The following RERE variants were observed in gnomAD, a reference collection of about 807,000 sequenced individuals.
The protein encoded by RERE is arginine-glutamic acid dipeptide repeats protein.
A neutral mutation model predicts 146.1 loss-of-function variants in RERE; 40 were observed. The ratio of observed to expected loss-of-function variants is 0.27; its 90% CI spans 0.21 to 0.36. RERE has a LOEUF of 0.36. Ranked by LOEUF, RERE falls within the 10% of genes least tolerant of loss-of-function variation. The probability of loss-of-function intolerance (pLI) is 1.00; values close to 1 mark genes in which losing one functional copy is unlikely to be tolerated. For synonymous variants in RERE, 1,003 were observed against 866.0 expected, an observed-to-expected ratio of 1.16 and a Z score of -2.78; for missense variants, 1,933 against 2,138.7, an observed-to-expected ratio of 0.90 and a Z score of 1.90.
chr1:8,769,861 T>C (rs1453673033), intron 1 of RERE, among the ~76,000 whole-genome samples: 3 of 151,658 alleles, frequency 2.0e-5, no homozygotes, highest in African/African-American at 7.3e-5. Context: ...CAATCTCAGC[T>C]CACCACAACC....
intron 12 of RERE, among the ~76,000 whole-genome samples, chr1:8,385,136 C>T (rs1268282369): frequency 1.3e-5 from 2 of 152,052 alleles, no homozygotes; most frequent in South Asian, 4.1e-4. Flanking sequence ...TGGGAAGCAC[C>T]GAGGAAAATA....
intron 1 of RERE, among the ~76,000 whole-genome samples, chr1:8,677,266 T>A (rs1172494254): frequency 1.3e-5 from 2 of 151,598 alleles, no homozygotes; most frequent in Non-Finnish European, 2.9e-5. Context: ...CCTGTCTCTA[T>A]TAAAAATACA....
intron 1 of RERE, among the ~76,000 whole-genome samples, chr1:8,683,422 G>A (rs1285994104): frequency 6.6e-6 from 1 of 152,076 alleles, no homozygotes; most frequent in African/African-American, 2.4e-5. Context: ...GCTGGACCCT[G>A]CTAAAGAGAA....
chr1:8,361,730 C>T, intron 17 of RERE, 33 bp downstream of exon 17: 1 of 1,561,334 alleles, frequency 6.4e-7, no homozygotes, highest in Non-Finnish European at 8.8e-7. Context: ...GAAGCATTAG[C>T]TTTACTCAGC....
At chr1:8,805,590 A>G (rs1345857453) in intron 1 of RERE, among the ~76,000 whole-genome samples, 1 of 150,250 alleles carries the variant, frequency 6.7e-6, no homozygotes, top group Non-Finnish European at 1.5e-5. Context: ...CGGAGGTTGC[A>G]GTGAGCAGAG....
At position 8,353,208 on chromosome 1, in the gene RERE, T is replaced by G. The variant is rs144200374; in HGVS notation, c.*1879A>C. 1 of 152,198 alleles carries G rather than the reference T, an allele frequency of 6.6e-6. No individual in the cohort carries two copies. The highest frequency in any genetic ancestry group is 1.9e-4 in the East Asian group (1 of 5,166). 9.4% of individuals were successfully genotyped at this position (152,198 alleles called of 1,614,324 possible). On this transcript the variant is annotated 3_prime_UTR_variant, in exon 23 of 23. Transcript: ENST00000400908. Reference sequence around the variant, plus strand: ...GAACAAACTAAAGTTAAGGCAGAAATGGAATGAGAGAAAAATGAAAGAAAA... The same window carrying G: ...GAACAAACTAAAGTTAAGGCAGAAAGGGAATGAGAGAAAAATGAAAGAAAA...
At chr1:8,792,404 C>T (rs994397900) in intron 1 of RERE, 1 of 152,154 alleles carries the variant, frequency 6.6e-6, no homozygotes, top group African/African-American at 2.4e-5. Context: ...AAATACTGAC[C>T]TCTAATTCAA....
In RERE at chr1:8,570,580, A is replaced by G. The variant is rs1165236502; in HGVS notation, c.523-13057T>C. On this transcript the variant is annotated intron_variant, in intron 4 of 22. Coordinates refer to ENST00000400908, the MANE Select transcript of RERE (RefSeq NM_001042681.2). ...GCTTCTGTATTCAATCTGTTGAGCT[A>G]TATCACACATCATTTAGCCTTTTGT... 2.6e-5 allele frequency among the ~76,000 whole-genome samples: 4 copies of G among 152,312 alleles called. No individual in the cohort carries two copies. The South Asian group carries it at 6.2e-4, about 24-fold the overall frequency.
chr1:8,355,943 G>A (rs1174207122), intron 21 of RERE, among the ~76,000 whole-genome samples, 157 bp downstream of exon 21: 5 of 152,160 alleles, frequency 3.3e-5, no homozygotes, highest in Non-Finnish European at 7.4e-5. Context: ...CCAGAGGGCA[G>A]GAGGCTTGTT....
intron 1 of RERE, among the ~76,000 whole-genome samples, chr1:8,678,815 T>C (rs1264157249): frequency 6.6e-6 from 1 of 152,222 alleles, no homozygotes; most frequent in Non-Finnish European, 1.5e-5. Flanking sequence ...GAAATAATCA[T>C]GTGTCCACAA....
At chr1:8,599,768 GAC>G (rs1557426728) in intron 4 of RERE, among the ~76,000 whole-genome samples, 1 of 152,206 alleles carries the variant, frequency 6.6e-6, no homozygotes, top group Non-Finnish European at 1.5e-5. Flanking sequence ...AGCAGAAGGA[GAC>G]AGTCTTATCT....
chr1:8,680,498 G>T (rs1406025612), intron 1 of RERE, among the ~76,000 whole-genome samples: 2 of 152,132 alleles, frequency 1.3e-5, no homozygotes, highest in Non-Finnish European at 2.9e-5. Flanking sequence ...TTTCCAGAAG[G>T]ACTCTGACAA....
At chr1:8,406,483 T>TG (rs911053328) in intron 12 of RERE, among the ~76,000 whole-genome samples, 2 of 152,104 alleles carry the variant, frequency 1.3e-5, no homozygotes, top group African/African-American at 4.8e-5. Context: ...ATGGTTCATG[T>TG]GGGGGGAAAA....
intron 12 of RERE, among the ~76,000 whole-genome samples, chr1:8,405,123 TAGTA>T (rs1643402250): frequency 6.6e-6 from 1 of 152,086 alleles, no homozygotes; most frequent in South Asian, 2.1e-4. Context: ...ACTGAAAGAA[TAGTA>T]AGTGATGGTC....
In RERE at chr1:8,364,285, T is replaced by C. The variant is rs765297930; in HGVS notation, c.1541-30A>G. 9 of 1,599,406 alleles carry C rather than the reference T, an allele frequency of 5.6e-6. No homozygotes were observed. The highest frequency in any genetic ancestry group is 1.1e-5 in the South Asian group (1 of 90,772). Reference sequence around the variant, plus strand: ...GTGAGGGAAGTGGTGGGGGCCAACCTTGGAAACCATCCCTCTCCCTGGGGA... The same window carrying C: ...GTGAGGGAAGTGGTGGGGGCCAACCCTGGAAACCATCCCTCTCCCTGGGGA... On this transcript the variant is annotated intron_variant, in intron 14 of 22. Transcript: ENST00000400908. This position sits in a 1 kb window ranked among gnomAD's most constrained non-coding sequence, Gnocchi z 5.1.
chr1:8,450,095 T>C (rs1158681405), intron 11 of RERE, among the ~76,000 whole-genome samples: 1 of 152,104 alleles, frequency 6.6e-6, no homozygotes, highest in Non-Finnish European at 1.5e-5. Context: ...TCCACGGTTA[T>C]TTCTATTCCC....
intron 8 of RERE, 42 bp from the exon 9 acceptor site, chr1:8,497,571 T>C: frequency 6.2e-7 from 1 of 1,609,270 alleles, no homozygotes; most frequent in South Asian, 1.1e-5. Context: ...AGGCATGTAT[T>C]AATTATAAAG....
At chr1:8,501,027 CGGGAG>C (rs1450961253) in intron 8 of RERE, among the ~76,000 whole-genome samples, 1 of 38,288 alleles carries the variant, frequency 2.6e-5, no homozygotes. Flanking sequence ...CCACCCCGTC[CGGGAG>C]GGGGGGGGGG....
At chr1:8,400,222 A>ATATGTGTGTGTGTGTGTG (rs368219880) in intron 12 of RERE, among the ~76,000 whole-genome samples, 8,521 of 140,024 alleles carry the variant, frequency 0.061, 312 homozygotes, top group South Asian at 0.1. Context: ...CCTGTGTCAT[A>ATATGTGTGTGTGTGTGTG]TGTGTGTGTG....
Sources: gnomAD v4.1 joint callset for allele counts (sites outside exome capture counted in the v4.1 genomes callset) on GRCh38, gnomAD v4.1.1 for gene constraint, Gnocchi (gnomAD v3.1) non-coding constraint, MANE v1.5 for transcripts, NCBI Gene and HGNC (gene_info 2026-07-23, HGNC 2026-07-21) for gene names.